The following MID1 variants were observed in gnomAD, a reference collection of about 807,000 sequenced individuals.
The protein encoded by MID1 is E3 ubiquitin-protein ligase Midline-1.
MID1 carries 7 observed loss-of-function variants against 40.4 expected under a neutral mutation model. That is an observed-to-expected ratio of 0.17 (90% CI 0.10 to 0.33). The LOEUF (loss-of-function observed/expected upper bound fraction) is 0.33. Among genes scored for constraint, MID1 ranks in the 10% least tolerant of loss-of-function variants. The probability of loss-of-function intolerance (pLI) is 1.00; values close to 1 mark genes in which losing one functional copy is unlikely to be tolerated. For missense variants in MID1, 367 were observed against 558.5 expected (o/e 0.66, Z 3.46); for synonymous variants, 229 against 221.2 (o/e 1.04, Z -0.31).
At chrX:10,647,285 C>T (rs772952485) in intron 1 of MID1, among the ~76,000 whole-genome samples, 1 of 111,897 alleles carries the variant, frequency 8.9e-6, no homozygotes, top group South Asian at 3.8e-4. Context: ...GTTACCACCA[C>T]CACATCTATA....
chrX:10,465,212 TATACACAC>T (rs1325845200), intron 7 of MID1, among the ~76,000 whole-genome samples: 6 of 56,023 alleles, frequency 1.1e-4, no homozygotes, highest in East Asian at 4.0e-4. Flanking sequence ...TATATATATA[TATACACAC>T]ACACACACAC....
chrX:10,731,956 G>GAATC (rs1160426509), intron 1 of MID1, among the ~76,000 whole-genome samples: 15 of 30,876 alleles, frequency 4.9e-4, no homozygotes, highest in African/African-American at 1.9e-3. Context: ...GACAGAGCAA[G>GAATC]AATCTATCAC....
intron 1 of MID1, among the ~76,000 whole-genome samples, chrX:10,679,786 C>A (rs2043047222): frequency 8.9e-6 from 1 of 112,006 alleles, no homozygotes; most frequent in South Asian, 3.8e-4. Flanking sequence ...TGCCTCGTTA[C>A]TTAGCTTTCT....
intron 1 of MID1, among the ~76,000 whole-genome samples, chrX:10,633,731 G>A (rs1249203313): frequency 8.9e-6 from 1 of 111,907 alleles, no homozygotes; most frequent in Non-Finnish European, 1.9e-5. Flanking sequence ...TGGAATTACA[G>A]GCTAGAGCTT....
intron 1 of MID1, among the ~76,000 whole-genome samples, chrX:10,794,419 T>C (rs1186398442): frequency 8.9e-6 from 1 of 112,260 alleles, no homozygotes; most frequent in Non-Finnish European, 1.9e-5. Context: ...CATAGAAATG[T>C]AGCAAACATA....
At chrX:10,763,485 G>T (rs1292375087) in intron 1 of MID1, among the ~76,000 whole-genome samples, 1 of 111,089 alleles carries the variant, frequency 9.0e-6, no homozygotes, top group Non-Finnish European at 1.9e-5. Context: ...TCCCTACAAA[G>T]GACATGAACT....
intron 1 of MID1, among the ~76,000 whole-genome samples, chrX:10,647,314 T>C (rs1936271831): frequency 8.9e-6 from 1 of 111,886 alleles, no homozygotes; most frequent in Non-Finnish European, 1.9e-5. Context: ...TTTTTATTAG[T>C]TTATTTATTT....
intron 1 of MID1, among the ~76,000 whole-genome samples, chrX:10,779,684 A>T (rs1302903121): frequency 9.0e-6 from 1 of 111,498 alleles, no homozygotes; most frequent in Non-Finnish European, 1.9e-5. Context: ...TAGAAGAGTG[A>T]ATGGAAGGTA....
chrX:10,536,628 T>C (rs1294655196), intron 2 of MID1, among the ~76,000 whole-genome samples: 3 of 112,621 alleles, frequency 2.7e-5, no homozygotes, highest in Non-Finnish European at 5.6e-5. Flanking sequence ...AATTACAAAT[T>C]GCAAAGTCTC....
At chrX:10,487,090 G>A (rs1930657330) in intron 4 of MID1, among the ~76,000 whole-genome samples, 1 of 111,577 alleles carries the variant, frequency 9.0e-6, no homozygotes, top group Non-Finnish European at 1.9e-5. Context: ...AAACTCCTGG[G>A]CTCAAGTGAT....
intron 1 of MID1, among the ~76,000 whole-genome samples, chrX:10,797,822 C>T (rs2043977218): frequency 9.0e-6 from 1 of 111,651 alleles, no homozygotes; most frequent in Non-Finnish European, 1.9e-5. Flanking sequence ...TGCAAAAACC[C>T]ACGTTCGATG....
Position 10,516,622 on chromosome X carries a change from G to A in MID1, c.756+6470C>T, listed in dbSNP as rs185164928. 3.2e-3 allele frequency among the ~76,000 whole-genome samples: 335 copies of A among 104,149 alleles called. 3 individuals are homozygous for A. Among genetic ancestry groups the A allele is most frequent in the East Asian group, 0.027 (86 of 3,245 alleles). The allele number at this position is 104,149 out of a possible 115,157, so 90.4% of individuals were successfully genotyped here. ...TGTGTGTGTGTGTGCGCGCGCGCAC[G>A]CGTGTGTTTTAAGAGACAGGGTCTC... On this transcript the variant is annotated intron_variant, in intron 3 of 9. Transcript: ENST00000317552.
intron 1 of MID1, among the ~76,000 whole-genome samples, chrX:10,613,732 TAG>T (rs1163813461): frequency 0.018 from 317 of 17,418 alleles, 4 homozygotes; most frequent in East Asian, 0.043. Context: ...TATATATATA[TAG>T]AGAGAGAGAG....
chrX:10,500,675 CA>C (rs1239098463), intron 3 of MID1, among the ~76,000 whole-genome samples: 1 of 111,751 alleles, frequency 8.9e-6, no homozygotes, highest in Non-Finnish European at 1.9e-5. Context: ...TGGTTACTTG[CA>C]GTTATGTTCT....
intron 4 of MID1, among the ~76,000 whole-genome samples, chrX:10,484,169 C>T (rs1228087827): frequency 1.8e-5 from 2 of 112,392 alleles, no homozygotes; most frequent in Non-Finnish European, 3.8e-5. Context: ...TCATAAGAAA[C>T]TGTCAGAGGA....
chrX:10,798,192 C>T (rs774976021), intron 1 of MID1, among the ~76,000 whole-genome samples: 68 of 112,211 alleles, frequency 6.1e-4, no homozygotes, highest in Middle Eastern at 4.6e-3. Context: ...CTCCACTCCC[C>T]AAAATGTGTC....
chrX:10,765,942 G>GGAAAGAAA (rs201959862), intron 1 of MID1, among the ~76,000 whole-genome samples: 474 of 65,401 alleles, frequency 7.2e-3, no homozygotes, highest in Admixed American at 0.013. Context: ...GGAAAGGAAA[G>GGAAAGAAA]GAAAGAAAGA....
chrX:10,625,479 T>C (rs932165670), upstream of MID1, among the ~76,000 whole-genome samples: 2 of 111,679 alleles, frequency 1.8e-5, no homozygotes, highest in African/African-American at 6.5e-5. Flanking sequence ...AAGCACAGAG[T>C]GTGTGGTCAG....
chrX:10,785,071 C>T lies in MID1; in HGVS notation c.-187+48483G>A, dbSNP rs757254386. ...TGATTGTATATCTAGAAAACCCCAT[C>T]GTCTCAGCCCAAAATCTCCTTAAGC... On this transcript the variant is annotated intron_variant, in intron 1 of 10. Coordinates refer to the MID1 transcript ENST00000380785. 4.0e-4 allele frequency among the ~76,000 whole-genome samples: 45 copies of T among 111,197 alleles called. 1 individual carries two copies. The highest frequency in any genetic ancestry group is 1.1e-3 in the South Asian group (3 of 2,621).
Sources: allele counts gnomAD v4.1 joint callset (sites outside exome capture counted in the v4.1 genomes callset), GRCh38; gene constraint gnomAD v4.1.1; transcripts MANE v1.5; gene names NCBI Gene and HGNC (gene_info 2026-07-23, HGNC 2026-07-21).